The following DCBLD2 variants were observed in gnomAD, a reference collection of about 807,000 sequenced individuals.
DCBLD2 encodes the protein discoidin, CUB and LCCL domain-containing protein 2.
Under a neutral mutation model 86.8 loss-of-function variants are expected in DCBLD2, and 54 were observed. The ratio of observed to expected loss-of-function variants is 0.62; its 90% CI spans 0.50 to 0.78. The LOEUF (loss-of-function observed/expected upper bound fraction) is 0.78. DCBLD2 is among the 30% of genes least tolerant of loss of function. The pLI, the probability that DCBLD2 is intolerant of heterozygous loss-of-function variation, is 0.00. For synonymous variants in DCBLD2, 354 were observed against 341.3 expected (o/e 1.04, Z -0.41); for missense variants, 908 against 954.2 (o/e 0.95, Z 0.64).
Position 98,825,329 on chromosome 3 carries a change from C to CA in DCBLD2, c.608dup (p.Leu203PhefsTer4). The CA allele has an allele frequency of 6.5e-7, 1 of 1,538,880 alleles. No homozygotes were observed. The highest frequency in any genetic ancestry group is 8.7e-7 in the Non-Finnish European group (1 of 1,150,794). ...TATAATCATACCTGAACTCAGGTTC[C>CA]AAAAAATTGGATGCAGTGTCCAAAC... On this transcript the variant is annotated frameshift_variant, in exon 4 of 16. Transcript: ENST00000326840. LOFTEE classifies it high-confidence loss of function.
intron 1 of DCBLD2, among the ~76,000 whole-genome samples, chr3:98,887,209 G>A (rs1171638562): frequency 6.6e-6 from 1 of 151,418 alleles, no homozygotes; most frequent in East Asian, 1.9e-4. Flanking sequence ...TGGTGAACTG[G>A]TGAGTCTGAC....
At chr3:98,856,631 C>T (rs563679524) in intron 2 of DCBLD2, among the ~76,000 whole-genome samples, 132 of 152,116 alleles carry the variant, frequency 8.7e-4, no homozygotes, top group African/African-American at 2.8e-3. Context: ...TGTCCTCATA[C>T]ATTTGGGATA....
chr3:98,859,827 A>C (rs1943006274), intron 2 of DCBLD2, among the ~76,000 whole-genome samples: 2 of 152,216 alleles, frequency 1.3e-5, no homozygotes, highest in African/African-American at 4.8e-5. Flanking sequence ...CTCTCCCCCC[A>C]CAAAGGAACG....
At chr3:98,866,486 C>G (rs1296641359) in intron 2 of DCBLD2, among the ~76,000 whole-genome samples, 1 of 152,140 alleles carries the variant, frequency 6.6e-6, no homozygotes, top group Non-Finnish European at 1.5e-5. Context: ...TTTCATGTGT[C>G]TTTTGGCTGC....
intron 13 of DCBLD2, chr3:98,804,892 A>C (rs1169361309): frequency 1.3e-5 from 2 of 152,178 alleles, no homozygotes; most frequent in Non-Finnish European, 2.9e-5. Context: ...TGTTTGATTG[A>C]ACTGTGGTCT....
intron 1 of DCBLD2, among the ~76,000 whole-genome samples, chr3:98,891,791 C>T (rs535838581): frequency 3.9e-5 from 6 of 152,218 alleles, no homozygotes; most frequent in Non-Finnish European, 8.8e-5. Flanking sequence ...CCAAGAATAA[C>T]GTCCCTCCTC....
In DCBLD2 at chr3:98,901,112, G is replaced by T. The variant is rs1428704004; in HGVS notation, c.205+10C>A. The stretch of plus-strand genomic sequence containing the variant: ...GTTCCCCCGCCGCTCACTCCCCTGG[G>T]ACCACTCACCTTGCTGGGCTCCAGC... On this transcript the variant is annotated intron_variant, in intron 1 of 15. Transcript: ENST00000326840. The T allele has an allele frequency of 1.9e-6, 3 of 1,539,424 alleles. No homozygotes were observed. The highest frequency in any genetic ancestry group is 1.7e-6 in the Non-Finnish European group (2 of 1,146,668).
chr3:98,849,611 G>T lies in DCBLD2; in HGVS notation c.434-13C>A. Reference sequence around the variant, plus strand: ...CCACAGTATTTGCCTAGGAATGAAAGAAAAGCAGATTATTTGGGATGACTC... The same window carrying T: ...CCACAGTATTTGCCTAGGAATGAAATAAAAGCAGATTATTTGGGATGACTC... On this transcript the variant is annotated splice_polypyrimidine_tract_variant and intron_variant, in intron 2 of 15. Transcript: ENST00000326840. The T allele has an allele frequency of 6.2e-7, 1 of 1,601,160 alleles. No homozygotes were observed. Among genetic ancestry groups the T allele is most frequent in the Non-Finnish European group, 8.5e-7 (1 of 1,170,454 alleles).
In DCBLD2 at chr3:98,901,508, T is replaced by G; in HGVS notation, c.-182A>C. ...CTTTCACCTACTCCTCCTTCGTCCCTTCCCTCCGCTCCCCGCGCCGAGACC... is the reference window on the plus strand; with the variant it reads ...CTTTCACCTACTCCTCCTTCGTCCCGTCCCTCCGCTCCCCGCGCCGAGACC... On this transcript the variant is annotated 5_prime_UTR_variant, in exon 1 of 16. Coordinates refer to ENST00000326840, the MANE Select transcript of DCBLD2 (RefSeq NM_080927.4). 15 of 482,746 alleles carry G rather than the reference T, an allele frequency of 3.1e-5. No homozygotes were observed. The highest frequency in any genetic ancestry group is 4.6e-5 in the Admixed American group (1 of 21,548). 29.9% of individuals were successfully genotyped at this position (482,746 alleles called of 1,614,324 possible). A position where few individuals can be genotyped will look rare whatever the true frequency, so the allele number is the denominator to read the frequency against.
intron 1 of DCBLD2, among the ~76,000 whole-genome samples, chr3:98,896,557 T>G (rs568419035): frequency 1.3e-5 from 2 of 152,324 alleles, no homozygotes; most frequent in Admixed American, 1.3e-4. Flanking sequence ...CTATTAAAAT[T>G]ACAACTACAA....
chr3:98,825,643 T>TATATATATA (rs1942202476), intron 3 of DCBLD2, among the ~76,000 whole-genome samples: 163 of 115,082 alleles, frequency 1.4e-3, no homozygotes, highest in Non-Finnish European at 2.4e-3. Flanking sequence ...ATATGTGTAT[T>TATATATATA]TATATATATA....
Position 98,811,505 on chromosome 3 carries a change from G to A in DCBLD2, c.1413C>T (p.Asp471=). The A allele has an allele frequency of 6.2e-7, 1 of 1,612,876 alleles. No homozygotes were observed. The highest frequency in any genetic ancestry group is 8.5e-7 in the Non-Finnish European group (1 of 1,179,484). Residue 471 remains aspartate (D), a synonymous_variant, in exon 11 of 16, where the codon GAC becomes GAT. Coordinates refer to ENST00000326840, the MANE Select transcript of DCBLD2 (RefSeq NM_080927.4). ...TTGGAGGGGCTGTAGTGTTTTTGAG[G>A]TCATTGCTGTTCCGAGGAGGTGGAG... is the stretch of plus-strand genomic sequence containing the variant. ...TQPPPPRNSN[D]LKNTTAPPKI...
chr3:98,869,518 C>T (rs1187131734), intron 2 of DCBLD2, among the ~76,000 whole-genome samples: 2 of 152,106 alleles, frequency 1.3e-5, no homozygotes, highest in Admixed American at 6.5e-5. Flanking sequence ...ACGCCAATAT[C>T]CAGAATTTTT....
intron 5 of DCBLD2, 114 bp downstream of exon 5, chr3:98,822,554 AT>A: frequency 7.9e-7 from 1 of 1,263,346 alleles, no homozygotes; most frequent in East Asian, 2.6e-5. Flanking sequence ...TGATTAAAAA[AT>A]GTCTTAAAAA....
intron 13 of DCBLD2, among the ~76,000 whole-genome samples, chr3:98,803,344 C>G (rs1038809382): frequency 5.3e-5 from 8 of 150,812 alleles, no homozygotes; most frequent in African/African-American, 1.5e-4. Flanking sequence ...ATTTGGCTCT[C>G]TGTCTGTTAT....
chr3:98,854,329 G>A (rs868232104), intron 2 of DCBLD2, among the ~76,000 whole-genome samples: 5 of 152,202 alleles, frequency 3.3e-5, no homozygotes, highest in Middle Eastern at 3.4e-3. Flanking sequence ...CCAGAGTGAG[G>A]TGGAGATGTA....
chr3:98,852,570 T>C (rs1942859317), intron 2 of DCBLD2, among the ~76,000 whole-genome samples: 1 of 152,230 alleles, frequency 6.6e-6, no homozygotes, highest in African/African-American at 2.4e-5. Context: ...CTTACCAGGA[T>C]TCCCTGTCAG....
intron 8 of DCBLD2, among the ~76,000 whole-genome samples, 188 bp downstream of exon 8, chr3:98,819,014 A>C (rs1217097644): frequency 1.3e-5 from 2 of 152,198 alleles, no homozygotes; most frequent in African/African-American, 4.8e-5. Context: ...TGACCAACAC[A>C]AATAACTCCT....
intron 2 of DCBLD2, among the ~76,000 whole-genome samples, 159 bp downstream of exon 2, chr3:98,881,381 C>G (rs1943467722): frequency 6.6e-6 from 1 of 151,904 alleles, no homozygotes. Context: ...AGACAAGAAT[C>G]TTCTCTTCCC....
Sources: gnomAD v4.1 joint callset for allele counts (sites outside exome capture counted in the v4.1 genomes callset) on GRCh38, gnomAD v4.1.1 for gene constraint, MANE v1.5 for transcripts, NCBI Gene and HGNC (gene_info 2026-07-23, HGNC 2026-07-21) for gene names.